Variants in FAM107B observed in about 807,000 individuals in gnomAD.
The protein encoded by FAM107B is protein FAM107B.
A neutral mutation model predicts 31.5 loss-of-function variants in FAM107B; 21 were observed. The observed-to-expected ratio is 0.67, with a 90% confidence interval of 0.47 to 0.96. The LOEUF is 0.96. Among genes scored for constraint, FAM107B ranks in the 40% least tolerant of loss-of-function variants. The pLI is 0.00. For synonymous variants in FAM107B, 157 were observed against 141.5 expected (o/e 1.11, Z -0.78); for missense variants, 452 against 377.1 (o/e 1.20, Z -1.64).
At chr10:14,654,123 A>G (rs189810819) in intron 2 of FAM107B, among the ~76,000 whole-genome samples, 44 of 130,282 alleles carry the variant, frequency 3.4e-4, no homozygotes, top group African/African-American at 1.3e-3. Flanking sequence ...TTTTTTTTCC[A>G]CTGCTTAGGA....
chr10:14,652,636 T>C (rs1853930981), intron 2 of FAM107B: 1 of 152,254 alleles, frequency 6.6e-6, no homozygotes, highest in South Asian at 2.1e-4. Context: ...TTATGCATTG[T>C]TCTAAGTGTT....
At chr10:14,664,758 C>T (rs1038625668) in intron 2 of FAM107B, among the ~76,000 whole-genome samples, 1 of 152,204 alleles carries the variant, frequency 6.6e-6, no homozygotes, top group South Asian at 2.1e-4. Context: ...ATTCCTATTA[C>T]AATATCTAGC....
At chr10:14,576,300 G>A (rs370188226) in intron 2 of FAM107B, among the ~76,000 whole-genome samples, 3 of 152,186 alleles carry the variant, frequency 2.0e-5, no homozygotes, top group Admixed American at 1.3e-4. Context: ...AGGCCGAGGC[G>A]GGTGGATCAC....
At chr10:14,657,120 T>C (rs1854080687) in intron 2 of FAM107B, among the ~76,000 whole-genome samples, 1 of 152,214 alleles carries the variant, frequency 6.6e-6, no homozygotes, top group South Asian at 2.1e-4. Flanking sequence ...CAAACCCTCA[T>C]TTTAGGTATT....
chr10:14,522,159 A>G (rs1278622393), intron 3 of FAM107B, 140 bp from the exon 4 acceptor site: 2 of 1,081,052 alleles, frequency 1.9e-6, no homozygotes, highest in East Asian at 5.2e-5. Flanking sequence ...ACAGCAGGCA[A>G]CATGGTGATC....
At chr10:14,642,045 A>G (rs1325613671) in intron 2 of FAM107B, among the ~76,000 whole-genome samples, 1 of 152,238 alleles carries the variant, frequency 6.6e-6, no homozygotes, top group Non-Finnish European at 1.5e-5. Flanking sequence ...CAAATTACGC[A>G]CTGCCAAAAT....
At chr10:14,531,678 C>A (rs938167589) in intron 2 of FAM107B, among the ~76,000 whole-genome samples, 10 of 152,060 alleles carry the variant, frequency 6.6e-5, no homozygotes, top group Admixed American at 2.0e-4. Flanking sequence ...CCTGTCTCTA[C>A]TAAAAATACA....
chr10:14,558,338 C>T (rs1381635424), intron 2 of FAM107B, among the ~76,000 whole-genome samples: 1 of 152,168 alleles, frequency 6.6e-6, no homozygotes, highest in Non-Finnish European at 1.5e-5. Flanking sequence ...CCAATTTGCT[C>T]CCTCTAGCTT....
intron 3 of FAM107B, among the ~76,000 whole-genome samples, chr10:14,526,347 T>C (rs920123602): frequency 6.6e-6 from 1 of 152,092 alleles, no homozygotes; most frequent in Admixed American, 6.6e-5. Context: ...CTAATTTTTT[T>C]GTATTTTTAG....
chr10:14,698,960 T>G (rs1855330321), intron 1 of FAM107B, among the ~76,000 whole-genome samples: 1 of 151,922 alleles, frequency 6.6e-6, no homozygotes, highest in Non-Finnish European at 1.5e-5. Context: ...GCTGTGGGGG[T>G]TCTCCACATC....
At chr10:14,667,894 G>A (rs113516005) in intron 1 of FAM107B, among the ~76,000 whole-genome samples, 1,562 of 151,108 alleles carry the variant, frequency 0.01, 18 homozygotes, top group Non-Finnish European at 0.014. Flanking sequence ...CTACAGGGGC[G>A]TTGGGTGACA....
At chr10:14,748,990 T>C (rs1480692665) in intron 1 of FAM107B, among the ~76,000 whole-genome samples, 1 of 152,166 alleles carries the variant, frequency 6.6e-6, no homozygotes, top group Admixed American at 6.5e-5. Flanking sequence ...TAAGAATAGA[T>C]CTGATTATAC....
chr10:14,599,822 T>G (rs1305289643), intron 2 of FAM107B, among the ~76,000 whole-genome samples: 2 of 149,308 alleles, frequency 1.3e-5, no homozygotes, highest in African/African-American at 4.9e-5. Flanking sequence ...GCGTGTACCC[T>G]GCTGTGGGAT....
intron 2 of FAM107B, chr10:14,532,759 A>C (rs1165224450): frequency 6.6e-6 from 1 of 152,278 alleles, no homozygotes; most frequent in Non-Finnish European, 1.5e-5. Flanking sequence ...TAGACCAAGA[A>C]GGCTACACAC....
At chr10:14,768,245 C>T (rs901838262) in intron 1 of FAM107B, among the ~76,000 whole-genome samples, 5 of 152,112 alleles carry the variant, frequency 3.3e-5, no homozygotes, top group African/African-American at 1.2e-4. Flanking sequence ...ATATTTAATG[C>T]AACCCCTATC....
chr10:14,691,467 T>A (rs970732264), intron 1 of FAM107B, among the ~76,000 whole-genome samples: 1 of 152,204 alleles, frequency 6.6e-6, no homozygotes, highest in African/African-American at 2.4e-5. Context: ...GAAACTTCCG[T>A]AATCACAAAG....
chr10:14,598,233 C>T (rs1012943222), intron 2 of FAM107B, among the ~76,000 whole-genome samples: 4 of 152,244 alleles, frequency 2.6e-5, no homozygotes, highest in Middle Eastern at 3.4e-3. Context: ...GTGGCAGCCG[C>T]GTAATTACTG....
intron 1 of FAM107B, among the ~76,000 whole-genome samples, chr10:14,673,526 C>T (rs1854608797): frequency 6.6e-6 from 1 of 152,086 alleles, no homozygotes; most frequent in Admixed American, 6.5e-5. Context: ...TTTTCTTTAT[C>T]CCTTCATCTG....
chr10:14,685,749 A>G (rs7914588), intron 1 of FAM107B, among the ~76,000 whole-genome samples: 84,768 of 152,028 alleles, frequency 0.56, 24,473 homozygotes, highest in African/African-American at 0.68. Context: ...TTTGGGTTTT[A>G]TATCCGCTCA....
Sources: gnomAD v4.1 joint callset for allele counts (sites outside exome capture counted in the v4.1 genomes callset) on GRCh38, gnomAD v4.1.1 for gene constraint, MANE v1.5 for transcripts, NCBI Gene and HGNC (gene_info 2026-07-23, HGNC 2026-07-21) for gene names.